Variants in RSPO4 observed in about 807,000 individuals in gnomAD.
The protein encoded by RSPO4 is R-spondin-4.
RSPO4 carries 23 observed loss-of-function variants against 24.8 expected under a neutral mutation model. The observed-to-expected ratio is 0.93, with a 90% CI of 0.67 to 1.31. The LOEUF is 1.31. Among genes scored for constraint, RSPO4 ranks in the 40% most tolerant of loss-of-function variants. The pLI is 0.00. For synonymous variants in RSPO4, 141 were observed against 127.4 expected, an observed-to-expected ratio of 1.11 and a Z score of -0.72; for missense variants, 333 against 316.5, an observed-to-expected ratio of 1.05 and a Z score of -0.39.
intron 1 of RSPO4, among the ~76,000 whole-genome samples, chr20:983,967 G>A (rs1046280426): frequency 1.3e-5 from 2 of 152,152 alleles, no homozygotes; most frequent in Admixed American, 6.5e-5. Flanking sequence ...ATTATTTTAA[G>A]TACTGGGGAG....
chr20:995,485 C>T (rs8126087), intron 1 of RSPO4, among the ~76,000 whole-genome samples: 10,806 of 152,148 alleles, frequency 0.071, 431 homozygotes, highest in East Asian at 0.15. Context: ...ACGCCCTGGC[C>T]GAGCAGAGGT....
At chr20:963,866 T>A (rs897107776) in intron 4 of RSPO4, 69 bp downstream of exon 4, 20 of 1,486,062 alleles carry the variant, frequency 1.3e-5, no homozygotes, top group Non-Finnish European at 1.9e-5. Flanking sequence ...TGTGGGGCAG[T>A]GATCTGAGTC....
chr20:999,135 G>A (rs1239529258), intron 1 of RSPO4, among the ~76,000 whole-genome samples: 1 of 152,006 alleles, frequency 6.6e-6, no homozygotes, highest in Non-Finnish European at 1.5e-5. Flanking sequence ...GACTACAGGT[G>A]TGCACCACCA....
At chr20:976,815 A>T (rs1244760399) in intron 1 of RSPO4, among the ~76,000 whole-genome samples, 1 of 152,186 alleles carries the variant, frequency 6.6e-6, no homozygotes, top group Non-Finnish European at 1.5e-5. Context: ...TTTTAAAAAA[A>T]ACAAGACTAA....
chr20:965,155 A>C (rs2122212860), intron 3 of RSPO4, among the ~76,000 whole-genome samples: 1 of 152,068 alleles, frequency 6.6e-6, no homozygotes. Context: ...CCATCTGGAC[A>C]CCGCCGTGAT....
intron 1 of RSPO4, among the ~76,000 whole-genome samples, chr20:974,768 A>C (rs1460599420): frequency 6.6e-6 from 1 of 152,190 alleles, no homozygotes; most frequent in Non-Finnish European, 1.5e-5. Flanking sequence ...AATGGAGGCC[A>C]TACAGCAGAA....
In RSPO4 at chr20:1,002,031, C is replaced by A; in HGVS notation, c.79+55G>T. ...GAGCCGCCGCCCCCGGTCCTCCGGC[C>A]CCCGGTCTGCCCCGCAGCGCCTGCC... On this transcript the variant is annotated intron_variant, in intron 1 of 4. Coordinates refer to ENST00000217260, the MANE Select transcript of RSPO4 (RefSeq NM_001029871.4). The surrounding 1 kb of genome is among the most constrained non-coding windows in gnomAD (Gnocchi z 4.6). 6.8e-7 allele frequency: 1 copy of A among 1,471,096 alleles called. No individual in the cohort carries two copies. Among genetic ancestry groups the A allele is most frequent in the Non-Finnish European group, 9.3e-7 (1 of 1,079,988 alleles). The allele number at this position is 1,471,096 out of a possible 1,614,324, so 91.1% of individuals were successfully genotyped here. A position where few individuals can be genotyped will look rare whatever the true frequency, so the allele number is the denominator to read the frequency against.
At chr20:988,889 T>C (rs1047319943) in intron 1 of RSPO4, among the ~76,000 whole-genome samples, 1 of 152,156 alleles carries the variant, frequency 6.6e-6, no homozygotes, top group Admixed American at 6.5e-5. Context: ...TAGAATCCCA[T>C]GACTGTGTCT....
chr20:983,257 G>T (rs1475638279), intron 1 of RSPO4, among the ~76,000 whole-genome samples: 201 of 152,334 alleles, frequency 1.3e-3, no homozygotes, highest in African/African-American at 4.8e-3. Flanking sequence ...AGAGCACCTG[G>T]AGCTTCCAAG....
chr20:992,789 G>A (rs1013752733), intron 1 of RSPO4, among the ~76,000 whole-genome samples: 6 of 152,128 alleles, frequency 3.9e-5, no homozygotes, highest in Admixed American at 1.3e-4. Flanking sequence ...CCTTTTAACC[G>A]TCATTGATGA....
At chr20:962,705 C>A (rs1191957256) in intron 4 of RSPO4, among the ~76,000 whole-genome samples, 4 of 152,198 alleles carry the variant, frequency 2.6e-5, no homozygotes, top group Non-Finnish European at 4.4e-5. Flanking sequence ...AGAGGAGTGT[C>A]CCTGAGTTCA....
chr20:961,683 C>A (rs6118376), intron 4 of RSPO4, among the ~76,000 whole-genome samples: 4 of 152,068 alleles, frequency 2.6e-5, no homozygotes, highest in Non-Finnish European at 5.9e-5. Flanking sequence ...GTGGCCCTGC[C>A]GGCTCTGATG....
intron 2 of RSPO4, among the ~76,000 whole-genome samples, chr20:967,517 G>A (rs1236779317): frequency 6.6e-6 from 1 of 152,236 alleles, no homozygotes; most frequent in African/African-American, 2.4e-5. Flanking sequence ...TCATTTGAGG[G>A]GAGGCTCAGA....
chr20:988,799 ACT>A (rs1163043253), intron 1 of RSPO4, among the ~76,000 whole-genome samples: 1 of 151,892 alleles, frequency 6.6e-6, no homozygotes, highest in African/African-American at 2.4e-5. Context: ...GATCCACCCG[ACT>A]CAGCCTCCCA....
chr20:987,639 A>T (rs1984962508), intron 1 of RSPO4, among the ~76,000 whole-genome samples: 1 of 152,122 alleles, frequency 6.6e-6, no homozygotes, highest in African/African-American at 2.4e-5. Flanking sequence ...TAAAAAAAAA[A>T]AATTAGCCAG....
intron 1 of RSPO4, among the ~76,000 whole-genome samples, chr20:977,511 C>T (rs1468167418): frequency 6.6e-6 from 1 of 152,180 alleles, no homozygotes; most frequent in African/African-American, 2.4e-5. Flanking sequence ...CATGACATCA[C>T]TGTTACTACC....
At chr20:962,311 A>T (rs981300559) in intron 4 of RSPO4, among the ~76,000 whole-genome samples, 1 of 152,158 alleles carries the variant, frequency 6.6e-6, no homozygotes, top group African/African-American at 2.4e-5. Flanking sequence ...TGCAGCCAAG[A>T]CCTGGGTGAT....
chr20:978,189 C>CT (rs1359236365), intron 1 of RSPO4, among the ~76,000 whole-genome samples: 6 of 152,158 alleles, frequency 3.9e-5, no homozygotes, highest in Admixed American at 3.3e-4. Flanking sequence ...GTTGCCTTGG[C>CT]TTTGGGGCCT....
At chr20:960,630 C>T (rs575274077) in intron 4 of RSPO4, among the ~76,000 whole-genome samples, 164 bp from the exon 5 acceptor site, 63 of 152,348 alleles carry the variant, frequency 4.1e-4, no homozygotes, top group Non-Finnish European at 7.4e-4. Flanking sequence ...GAGTTTGGAC[C>T]GTGGGCTAAG....
Sources: gnomAD v4.1 joint callset for allele counts (sites outside exome capture counted in the v4.1 genomes callset) on GRCh38, gnomAD v4.1.1 for gene constraint, Gnocchi (gnomAD v3.1) non-coding constraint, MANE v1.5 for transcripts, NCBI Gene and HGNC (gene_info 2026-07-23, HGNC 2026-07-21) for gene names.